CNTLN: variants seen among roughly 807,000 people sequenced by gnomAD.
The protein encoded by CNTLN is centlein, centrosomal protein.
A neutral mutation model predicts 180.0 loss-of-function variants in CNTLN; 212 were observed. The ratio of observed to expected loss-of-function variants is 1.18; its 90% CI spans 1.05 to 1.32. The LOEUF (loss-of-function observed/expected upper bound fraction) is 1.32. Ranked by LOEUF, CNTLN falls within the 40% of genes most tolerant of loss-of-function variation. CNTLN has a pLI of 0.00. For missense variants in CNTLN, 2,095 were observed against 1,610.9 expected, an observed-to-expected ratio of 1.30 and a Z score of -5.14; for synonymous variants, 722 against 563.1, an observed-to-expected ratio of 1.28 and a Z score of -3.99.
rs186743329 is a variant in CNTLN, at chr9:17,276,891, T to C, written c.983+3025T>C. ...TTTTAAAATTACTGTTTTTGATCTATTGTTGGTTGAATTTGTGGAAGCAGA... is the reference window on the plus strand; with the variant it reads ...TTTTAAAATTACTGTTTTTGATCTACTGTTGGTTGAATTTGTGGAAGCAGA... On this transcript the variant is annotated intron_variant, in intron 6 of 25. Transcript: ENST00000380647. Among the ~76,000 whole-genome samples the C allele has an allele frequency of 5.2e-3, 794 of 152,210 alleles. 5 individuals are homozygous for C. The highest frequency in any genetic ancestry group is 8.3e-3 in the Admixed American group (126 of 15,262).
intron 18 of CNTLN, among the ~76,000 whole-genome samples, chr9:17,453,982 C>T (rs1161460772): frequency 1.3e-5 from 2 of 152,176 alleles, no homozygotes; most frequent in Non-Finnish European, 2.9e-5. Flanking sequence ...ACCCTAATTA[C>T]ATCTACAGAA....
intron 1 of CNTLN, among the ~76,000 whole-genome samples, chr9:17,136,132 A>G (rs182049626): frequency 6.6e-6 from 1 of 152,296 alleles, no homozygotes; most frequent in African/African-American, 2.4e-5. Flanking sequence ...GACTATACTC[A>G]TGTTCAAAGA....
intron 12 of CNTLN, among the ~76,000 whole-genome samples, chr9:17,349,947 G>A (rs576842783): frequency 1.3e-5 from 2 of 152,308 alleles, no homozygotes; most frequent in African/African-American, 4.8e-5. Flanking sequence ...CTAGTTAGGT[G>A]AAACCACTCT....
At chr9:17,221,585 T>G (rs1385891509) in intron 2 of CNTLN, among the ~76,000 whole-genome samples, 1 of 152,098 alleles carries the variant, frequency 6.6e-6, no homozygotes, top group African/African-American at 2.4e-5. Flanking sequence ...ATTCTCCGCC[T>G]TTTGTGTGCC....
chr9:17,480,759 T>A (rs1294972738), intron 23 of CNTLN, among the ~76,000 whole-genome samples: 1 of 152,162 alleles, frequency 6.6e-6, no homozygotes, highest in African/African-American at 2.4e-5. Context: ...TCTATCTGAT[T>A]TAGGGTTAAG....
At chr9:17,308,995 CAG>C in intron 7 of CNTLN, 61 bp from the exon 8 acceptor site, 5 of 1,126,264 alleles carry the variant, frequency 4.4e-6, no homozygotes, top group South Asian at 1.8e-5. Context: ...CACACACACA[CAG>C]ACACACAGAC....
chr9:17,414,252 C>T (rs1360459989), intron 16 of CNTLN, among the ~76,000 whole-genome samples: 1 of 152,156 alleles, frequency 6.6e-6, no homozygotes, highest in African/African-American at 2.4e-5. Flanking sequence ...TCATTTTTGA[C>T]CTCTGACATT....
At chr9:17,193,438 A>G (rs1735252177) in intron 2 of CNTLN, among the ~76,000 whole-genome samples, 2 of 152,296 alleles carry the variant, frequency 1.3e-5, no homozygotes, top group South Asian at 2.1e-4. Context: ...AATGGGAGAA[A>G]TTGGCCAAAA....
At chr9:17,179,063 T>C (rs1587023617) in intron 2 of CNTLN, among the ~76,000 whole-genome samples, 1 of 150,280 alleles carries the variant, frequency 6.7e-6, no homozygotes. Context: ...GCTAAAACGG[T>C]GAAACCCCGT....
rs745679632 is a variant in CNTLN at position 17,415,860 on chromosome 9, C to T, written c.2869C>T (p.His957Tyr). The change falls in exon 17 of 26, where the codon CAT becomes TAT. Residue 957 changes from histidine to tyrosine, a missense_variant. Physicochemically the swap from His to Tyr is moderately conservative, Grantham distance 83. Coordinates refer to ENST00000380647, the MANE Select transcript of CNTLN (RefSeq NM_017738.4). Reference protein sequence around the residue: ...KKNCKMQKSSHTAVPTRVNRE... With the variant: ...KKNCKMQKSSYTAVPTRVNRE... ...GAATTGCAAGATGCAAAAGAGTTCA[C>T]ATACAGCAGTTCCTACTAGAGGTAA... The T allele has an allele frequency of 6.2e-7, 1 of 1,612,134 alleles. No homozygotes were observed.
intron 10 of CNTLN, among the ~76,000 whole-genome samples, chr9:17,335,771 C>G (rs906666221): frequency 6.6e-6 from 1 of 151,802 alleles, no homozygotes; most frequent in African/African-American, 2.4e-5. Context: ...AACCCTGTGT[C>G]TACTAAAAAT....
intron 25 of CNTLN, among the ~76,000 whole-genome samples, chr9:17,493,824 C>A (rs1025544480): frequency 6.6e-6 from 1 of 152,190 alleles, no homozygotes; most frequent in African/African-American, 2.4e-5. Context: ...CCATGTTCAG[C>A]ACGTGAGTGC....
At chr9:17,468,756 GC>G (rs1024801137) in intron 23 of CNTLN, among the ~76,000 whole-genome samples, 1 of 151,454 alleles carries the variant, frequency 6.6e-6, no homozygotes, top group Non-Finnish European at 1.5e-5. Context: ...AAGTAGTTCA[GC>G]AAAAATTATC....
At chr9:17,198,513 G>T (rs2131857678) in intron 2 of CNTLN, among the ~76,000 whole-genome samples, 1 of 119,636 alleles carries the variant, frequency 8.4e-6, no homozygotes. Flanking sequence ...TGTAATCATT[G>T]TACATGGGAT....
chr9:17,248,524 ATATT>A (rs910207563), intron 5 of CNTLN, among the ~76,000 whole-genome samples: 1 of 141,344 alleles, frequency 7.1e-6, no homozygotes, highest in Non-Finnish European at 1.5e-5. Flanking sequence ...TAATTTATAA[ATATT>A]TATAATTATA....
At chr9:17,493,219 A>G (rs748955524) in intron 25 of CNTLN, among the ~76,000 whole-genome samples, 10 of 152,322 alleles carry the variant, frequency 6.6e-5, no homozygotes, top group East Asian at 1.9e-4. Flanking sequence ...AATGATTCAA[A>G]TGATAAAATG....
At chr9:17,474,748 A>G (rs1240599828) in intron 23 of CNTLN, among the ~76,000 whole-genome samples, 3 of 151,928 alleles carry the variant, frequency 2.0e-5, no homozygotes, top group African/African-American at 7.3e-5. Flanking sequence ...AGCGCCTGTA[A>G]TCCCTGCTAC....
At chr9:17,522,946 T>C in the CNTLN span, among the ~76,000 whole-genome samples, 1 of 151,888 alleles carries the variant, frequency 6.6e-6, no homozygotes, top group Non-Finnish European at 1.5e-5. Flanking sequence ...AGAGTCACTG[T>C]CTTCTCATTT....
chr9:17,332,550 C>T, intron 9 of CNTLN, 55 bp from the exon 10 acceptor site: 1 of 1,498,996 alleles, frequency 6.7e-7, no homozygotes, highest in Non-Finnish European at 8.9e-7. Flanking sequence ...TTTTGCATGT[C>T]TTTCATAATC....
Sources: gnomAD v4.1 joint callset for allele counts (sites outside exome capture counted in the v4.1 genomes callset) on GRCh38, gnomAD v4.1.1 for gene constraint, MANE v1.5 for transcripts, NCBI Gene and HGNC (gene_info 2026-07-23, HGNC 2026-07-21) for gene names.